The following SLC8A1 variants were observed in gnomAD, a reference collection of about 807,000 sequenced individuals.
The protein encoded by SLC8A1 is sodium/calcium exchanger 1.
A neutral mutation model predicts 68.3 loss-of-function variants in SLC8A1; 18 were observed. The observed-to-expected ratio is 0.26, with a 90% CI of 0.18 to 0.39. The LOEUF (loss-of-function observed/expected upper bound fraction) is 0.39, where lower values mean the gene tolerates loss of function less well. Among genes scored for constraint, SLC8A1 ranks in the 10% least tolerant of loss-of-function variants. The pLI, the probability that SLC8A1 is intolerant of heterozygous loss-of-function variation, is 1.00. For missense variants in SLC8A1, 985 were observed against 1,156.7 expected (o/e 0.85, Z 2.15); for synonymous variants, 475 against 415.5 (o/e 1.14, Z -1.74).
At chr2:40,160,067 T>C (rs2045397652) in intron 6 of SLC8A1, among the ~76,000 whole-genome samples, 1 of 152,034 alleles carries the variant, frequency 6.6e-6, no homozygotes, top group African/African-American at 2.4e-5. Context: ...AAGGACGGGG[T>C]TGCTTTCATG....
At chr2:40,271,086 A>C (rs538897749) in intron 2 of SLC8A1, among the ~76,000 whole-genome samples, 3 of 152,114 alleles carry the variant, frequency 2.0e-5, no homozygotes, top group African/African-American at 7.2e-5. Context: ...AGCCAGAGTT[A>C]TCCTTAAAAA....
At chr2:40,444,421 G>T (rs1239330610) in intron 1 of SLC8A1, among the ~76,000 whole-genome samples, 1 of 152,142 alleles carries the variant, frequency 6.6e-6, no homozygotes. Context: ...ATAACTGAAA[G>T]AGACATTTCA....
intron 7 of SLC8A1, among the ~76,000 whole-genome samples, chr2:40,121,470 C>T (rs1445807719): frequency 2.6e-5 from 4 of 152,248 alleles, no homozygotes; most frequent in South Asian, 4.1e-4. Flanking sequence ...GTAGGCGTCA[C>T]GGAGATGCTG....
chr2:40,215,836 A>G (rs1221702387), intron 2 of SLC8A1, among the ~76,000 whole-genome samples: 4 of 151,956 alleles, frequency 2.6e-5, no homozygotes, highest in Non-Finnish European at 4.4e-5. Context: ...TGCTAAAGCC[A>G]TCTACCTGAA....
chr2:40,445,805 C>G (rs1701331289), intron 1 of SLC8A1, among the ~76,000 whole-genome samples: 1 of 152,118 alleles, frequency 6.6e-6, no homozygotes. Context: ...CCATATCCCC[C>G]AACATTTGAA....
chr2:40,246,033 C>G (rs1042237718), intron 2 of SLC8A1, among the ~76,000 whole-genome samples: 1 of 152,228 alleles, frequency 6.6e-6, no homozygotes, highest in African/African-American at 2.4e-5. Context: ...CTGTCTTAGA[C>G]TAGTTTAAGA....
chr2:40,246,914 A>C (rs899928657), intron 2 of SLC8A1, among the ~76,000 whole-genome samples: 1 of 150,824 alleles, frequency 6.6e-6, no homozygotes, highest in Non-Finnish European at 1.5e-5. Context: ...TGCCTGGCAA[A>C]GTTTGTACTC....
chr2:40,479,482 C>T (rs1704495886), intron 1 of SLC8A1, among the ~76,000 whole-genome samples: 5 of 152,096 alleles, frequency 3.3e-5, no homozygotes, highest in Admixed American at 2.6e-4. Context: ...CAATTTATAT[C>T]TTGGTCATCT....
In SLC8A1 at chr2:40,331,582, T is replaced by C. The variant is rs2076413240; in HGVS notation, c.1808+96891A>G. Among the ~76,000 whole-genome samples, 3 of 151,972 alleles carry C rather than the reference T, an allele frequency of 2.0e-5. No homozygotes were observed. The South Asian group carries it at 6.2e-4, about 32-fold the overall frequency. ...TTTCATTAGGGTGGCTTTTTATTTA[T>C]TTATTTTATTTTATGTTTATTTTTT... On this transcript the variant is annotated intron_variant, in intron 2 of 7. Coordinates refer to ENST00000406785, the Ensembl canonical transcript of SLC8A1.
chr2:40,231,351 G>T (rs2059622252), intron 2 of SLC8A1, among the ~76,000 whole-genome samples: 1 of 152,092 alleles, frequency 6.6e-6, no homozygotes, highest in African/African-American at 2.4e-5. Flanking sequence ...ACATCTAATT[G>T]GGGATATACC....
intron 2 of SLC8A1, among the ~76,000 whole-genome samples, chr2:40,268,477 C>T (rs1574935204): frequency 6.6e-6 from 1 of 152,280 alleles, no homozygotes; most frequent in Non-Finnish European, 1.5e-5. Context: ...CTGTACCAAG[C>T]ACTGGTGGTG....
intron 1 of SLC8A1, among the ~76,000 whole-genome samples, chr2:40,446,864 C>G (rs536774910): frequency 1.3e-5 from 2 of 152,310 alleles, no homozygotes; most frequent in African/African-American, 4.8e-5. Context: ...AAAAAGTGCT[C>G]AACAAATGTC....
rs547664780 is a variant in SLC8A1, at chr2:40,264,473, G to C, written c.1809-86618C>G. 2.6e-5 allele frequency among the ~76,000 whole-genome samples: 4 copies of C among 152,192 alleles called. No homozygotes were observed. The East Asian group carries it at 5.8e-4, about 22-fold the overall frequency. The stretch of plus-strand genomic sequence containing the variant: ...CCCAAATGTCCAACAATGATAGACT[G>C]GATTAAGAAGATGTGGCACATATAC... On this transcript the variant is annotated intron_variant, in intron 2 of 7. Transcript: ENST00000406785.
intron 1 of SLC8A1, among the ~76,000 whole-genome samples, chr2:40,489,715 G>C (rs1705195295): frequency 6.6e-6 from 1 of 152,124 alleles, no homozygotes; most frequent in South Asian, 2.1e-4. Context: ...TAGAGATTTG[G>C]TACTTAACCT....
intron 2 of SLC8A1, among the ~76,000 whole-genome samples, chr2:40,398,176 C>T (rs1687582136): frequency 6.6e-6 from 1 of 152,174 alleles, no homozygotes; most frequent in African/African-American, 2.4e-5. Flanking sequence ...AACCTGATTC[C>T]AGGCTCAAGA....
chr2:40,427,266 C>A (rs1040548497), intron 2 of SLC8A1, among the ~76,000 whole-genome samples: 1 of 152,124 alleles, frequency 6.6e-6, no homozygotes, highest in African/African-American at 2.4e-5. Context: ...ATCCCCTCCC[C>A]CTTTTTGGTT....
chr2:40,501,179 G>A (rs1706039967), intron 1 of SLC8A1, among the ~76,000 whole-genome samples: 1 of 151,768 alleles, frequency 6.6e-6, no homozygotes, highest in Admixed American at 6.6e-5. Context: ...TTTATTTCCT[G>A]TGATCACCTT....
intron 2 of SLC8A1, among the ~76,000 whole-genome samples, chr2:40,344,818 A>AGG (rs1668756450): frequency 1.3e-5 from 2 of 152,294 alleles, no homozygotes; most frequent in Non-Finnish European, 2.9e-5. Context: ...ACTAATCTTA[A>AGG]GAATTCATGG....
At chr2:40,278,532 A>C (rs1251478234) in intron 2 of SLC8A1, among the ~76,000 whole-genome samples, 3 of 152,176 alleles carry the variant, frequency 2.0e-5, no homozygotes, top group Admixed American at 6.5e-5. Flanking sequence ...ACAAAATGAT[A>C]AGGGGAGAGT....
Sources: allele counts gnomAD v4.1 joint callset (sites outside exome capture counted in the v4.1 genomes callset), GRCh38; gene constraint gnomAD v4.1.1; transcripts MANE v1.5; gene names NCBI Gene and HGNC (gene_info 2026-07-23, HGNC 2026-07-21).